AUTS2: variants seen among roughly 807,000 people sequenced by gnomAD.
AUTS2 encodes activator of transcription and developmental regulator AUTS2, also known as autism susceptibility gene 2 protein.
AUTS2 carries 17 observed loss-of-function variants against 112.4 expected under a neutral mutation model. The observed-to-expected ratio is 0.15, with a 90% confidence interval of 0.10 to 0.23. AUTS2 has a LOEUF of 0.23. Among genes scored for constraint, AUTS2 ranks in the 10% least tolerant of loss-of-function variants. The pLI, the probability that AUTS2 is intolerant of heterozygous loss-of-function variation, is 1.00. For missense variants in AUTS2, 1,510 were observed against 1,701.6 expected (o/e 0.89, Z 1.98); for synonymous variants, 751 against 702.7 (o/e 1.07, Z -1.09).
chr7:70,633,507 A>G (rs1805377036), intron 5 of AUTS2, among the ~76,000 whole-genome samples: 1 of 150,442 alleles, frequency 6.6e-6, no homozygotes, highest in African/African-American at 2.4e-5. Context: ...GCTGCTCGGG[A>G]GGCTGAGGCA....
At chr7:69,852,680 T>A (rs1426496943) in intron 1 of AUTS2, among the ~76,000 whole-genome samples, 2 of 152,174 alleles carry the variant, frequency 1.3e-5, no homozygotes, top group African/African-American at 2.4e-5. Context: ...CTTGAACTCC[T>A]GACCTCAGAT....
intron 6 of AUTS2, among the ~76,000 whole-genome samples, chr7:70,723,794 C>T (rs1786843054): frequency 6.6e-6 from 1 of 151,552 alleles, no homozygotes; most frequent in African/African-American, 2.4e-5. Context: ...TGTTAGGAGT[C>T]ATTACCTAGA....
chr7:69,909,225 A>G (rs1795262500), intron 2 of AUTS2, among the ~76,000 whole-genome samples: 1 of 152,228 alleles, frequency 6.6e-6, no homozygotes, highest in African/African-American at 2.4e-5. Flanking sequence ...CAAGAAAGAA[A>G]TGTTTCTGCC....
chr7:70,645,142 G>A (rs182386987), intron 5 of AUTS2, among the ~76,000 whole-genome samples: 2 of 152,288 alleles, frequency 1.3e-5, no homozygotes, highest in African/African-American at 2.4e-5. Context: ...TTCACCCAAA[G>A]GGAGGGAGAT....
intron 4 of AUTS2, chr7:70,291,849 G>A (rs964468915): frequency 1.3e-5 from 2 of 152,026 alleles, no homozygotes; most frequent in African/African-American, 4.8e-5. Context: ...TATGAAGGAG[G>A]CTAGTGAAAT....
At chr7:69,873,796 T>A (rs1793607575) in intron 1 of AUTS2, among the ~76,000 whole-genome samples, 2 of 152,330 alleles carry the variant, frequency 1.3e-5, no homozygotes, top group African/African-American at 4.8e-5. Context: ...TAGCTGGAAT[T>A]ACACCTACTT....
intron 2 of AUTS2, among the ~76,000 whole-genome samples, chr7:69,968,617 GCCTCCCTTTTGAAATCTTC>G (rs1797723387): frequency 1.3e-5 from 2 of 152,132 alleles, no homozygotes; most frequent in African/African-American, 4.8e-5. Flanking sequence ...CCTAACGTGT[GCCTCCCTTTTGAAATCTTC>G]CCTCCTTGAT....
At chr7:69,835,726 A>G (rs911736632) in intron 1 of AUTS2, among the ~76,000 whole-genome samples, 1 of 152,196 alleles carries the variant, frequency 6.6e-6, no homozygotes, top group Non-Finnish European at 1.5e-5. Context: ...ACATGTCATT[A>G]AAGAGTTTCA....
chr7:70,767,727 T>G (rs1790028446), intron 9 of AUTS2, among the ~76,000 whole-genome samples: 1 of 152,218 alleles, frequency 6.6e-6, no homozygotes, highest in African/African-American at 2.4e-5. Flanking sequence ...GATAATTGGC[T>G]GTTCTCTCCT....
chr7:69,802,209 G>T (rs530463779), intron 1 of AUTS2, among the ~76,000 whole-genome samples: 5 of 152,144 alleles, frequency 3.3e-5, no homozygotes, highest in Non-Finnish European at 5.9e-5. Context: ...AGGGGAGAGC[G>T]TATGTTTCTT....
intron 1 of AUTS2, among the ~76,000 whole-genome samples, chr7:69,850,037 G>C (rs1442385504): frequency 6.6e-6 from 1 of 152,002 alleles, no homozygotes; most frequent in Non-Finnish European, 1.5e-5. Context: ...GCTCACACCT[G>C]TAATCCCAGC....
At chr7:70,624,983 C>T (rs1018672448) in intron 5 of AUTS2, among the ~76,000 whole-genome samples, 5 of 152,050 alleles carry the variant, frequency 3.3e-5, no homozygotes, top group Admixed American at 6.5e-5. Context: ...GTTTCCTCCT[C>T]GGGCTGTTCC....
chr7:69,963,848 G>A (rs942501330), intron 2 of AUTS2, among the ~76,000 whole-genome samples: 2 of 152,146 alleles, frequency 1.3e-5, no homozygotes, highest in African/African-American at 4.8e-5. Context: ...TAACCACTGA[G>A]TGATGCATTG....
chr7:69,689,758 A>T (rs531232176), intron 1 of AUTS2, among the ~76,000 whole-genome samples: 1 of 150,308 alleles, frequency 6.7e-6, no homozygotes, highest in Non-Finnish European at 1.5e-5. Context: ...ACTCACTGCA[A>T]CCTCTATCTC....
At chr7:70,640,314 A>G (rs945283247) in intron 5 of AUTS2, among the ~76,000 whole-genome samples, 3 of 149,968 alleles carry the variant, frequency 2.0e-5, no homozygotes, top group Non-Finnish European at 3.0e-5. Flanking sequence ...TGAAACAGGA[A>G]ATTTTTCTTA....
intron 1 of AUTS2, among the ~76,000 whole-genome samples, chr7:69,607,944 G>A (rs1165076413): frequency 6.6e-6 from 1 of 151,952 alleles, no homozygotes; most frequent in Non-Finnish European, 1.5e-5. Flanking sequence ...CTTTTATTTT[G>A]TTTTTTTGAG....
intron 1 of AUTS2, among the ~76,000 whole-genome samples, chr7:69,693,437 A>G (rs771228326): frequency 1.3e-5 from 2 of 152,242 alleles, no homozygotes; most frequent in Non-Finnish European, 2.9e-5. Flanking sequence ...TCTCTTGGCC[A>G]TATGGATTAG....
chr7:70,336,999 C>A (rs936127584), intron 4 of AUTS2, among the ~76,000 whole-genome samples: 5 of 152,248 alleles, frequency 3.3e-5, no homozygotes, highest in Admixed American at 3.3e-4. Flanking sequence ...GTGGTATTGG[C>A]TACCGATTTA....
intron 1 of AUTS2, among the ~76,000 whole-genome samples, chr7:69,688,944 G>A (rs1254047879): frequency 6.6e-6 from 1 of 152,106 alleles, no homozygotes; most frequent in East Asian, 1.9e-4. Flanking sequence ...GAGTTTAAAG[G>A]ATTGAGATAA....
Sources: gnomAD v4.1 joint callset for allele counts (sites outside exome capture counted in the v4.1 genomes callset) on GRCh38, gnomAD v4.1.1 for gene constraint, MANE v1.5 for transcripts, NCBI Gene and HGNC (gene_info 2026-07-23, HGNC 2026-07-21) for gene names.